STAG3: variants seen among roughly 807,000 people sequenced by gnomAD.
The protein encoded by STAG3 is STAG3 cohesin complex component.
A neutral mutation model predicts 160.7 loss-of-function variants in STAG3; 101 were observed. That is an observed-to-expected ratio of 0.63 (90% confidence interval 0.54 to 0.74). The LOEUF is 0.74. Ranked by LOEUF, STAG3 falls within the 30% of genes least tolerant of loss-of-function variation. STAG3 has a pLI of 0.00. For missense variants in STAG3, 1,188 were observed against 1,517.4 expected, an observed-to-expected ratio of 0.78 and a Z score of 3.61; for synonymous variants, 519 against 585.0, an observed-to-expected ratio of 0.89 and a Z score of 1.63.
chr7:100,186,660 G>C (rs1296801096), intron 5 of STAG3, among the ~76,000 whole-genome samples: 1 of 152,056 alleles, frequency 6.6e-6, no homozygotes, highest in Non-Finnish European at 1.5e-5. Flanking sequence ...CTCCAGCCTG[G>C]GCGACAGAGC....
At chr7:100,209,060 G>T (rs1205817433) in intron 29 of STAG3, among the ~76,000 whole-genome samples, 1 of 152,094 alleles carries the variant, frequency 6.6e-6, no homozygotes, top group Non-Finnish European at 1.5e-5. Flanking sequence ...GTGTCTCTGG[G>T]AGCAAGACAA....
At chr7:100,203,809 C>T (rs1352684112) in intron 25 of STAG3, among the ~76,000 whole-genome samples, 1 of 152,126 alleles carries the variant, frequency 6.6e-6, no homozygotes, top group Non-Finnish European at 1.5e-5. Flanking sequence ...CCACTGCACC[C>T]GGCCTTATTA....
In STAG3 at chr7:100,198,618, C is replaced by T. The variant is rs186039173; in HGVS notation, c.1352+36C>T. ...CTCCTTTTATGTTTCTTTAACACCA[C>T]GCTCTCGGTTTCTCTCCTCCATCTG... On this transcript the variant is annotated intron_variant, in intron 13 of 33. Transcript: ENST00000615138. 172 of 1,583,184 alleles carry T rather than the reference C, an allele frequency of 1.1e-4. No individual in the cohort carries two copies. The East Asian group carries it at 3.0e-3, about 28-fold the overall frequency.
At chr7:100,218,008 C>T (rs1802916657), downstream of STAG3, among the ~76,000 whole-genome samples, 1 of 149,772 alleles carries the variant, frequency 6.7e-6, no homozygotes, top group Non-Finnish European at 1.5e-5. Flanking sequence ...CTCTAACTCC[C>T]CCAGGGAAAG....
chr7:100,183,732 C>G (rs1433711791), intron 4 of STAG3, among the ~76,000 whole-genome samples: 1 of 152,192 alleles, frequency 6.6e-6, no homozygotes, highest in African/African-American at 2.4e-5. Context: ...TTTCTCATCT[C>G]TCATTATAGT....
intron 29 of STAG3, among the ~76,000 whole-genome samples, chr7:100,210,687 T>C (rs1052314369): frequency 1.3e-5 from 2 of 152,164 alleles, no homozygotes; most frequent in Non-Finnish European, 2.9e-5. Flanking sequence ...CCCTCCCTCA[T>C]GTTTGTGTTC....
chr7:100,183,481 T>C (rs1728166274), intron 4 of STAG3, among the ~76,000 whole-genome samples: 1 of 152,240 alleles, frequency 6.6e-6, no homozygotes. Context: ...CAATTATACT[T>C]AATTATTTTT....
At position 100,213,440 on chromosome 7, in the gene STAG3, CAGAGACTAG is replaced by C. The variant is rs944534137; in HGVS notation, c.3601-290_3601-282del. ...AAACCAAACAATGATACCTTCAAAC[CAGAGACTAG>C]AGAGCAAGGCCTCTGTTAAAATATT... On this transcript the variant is annotated intron_variant, in intron 32 of 33. Transcript: ENST00000615138. The C allele has an allele frequency of 5.1e-5, 50 of 985,314 alleles. No homozygotes were observed. The African/African-American group carries it at 8.6e-4, about 17-fold the overall frequency. 61.0% of individuals were successfully genotyped at this position (985,314 alleles called of 1,614,324 possible). A position where few individuals can be genotyped will look rare whatever the true frequency, so the allele number is the denominator to read the frequency against.
downstream of STAG3, chr7:100,215,163 C>T (rs1401201222): frequency 2.6e-5 from 4 of 152,206 alleles, no homozygotes; most frequent in African/African-American, 9.7e-5. Context: ...GCTTCAGCCT[C>T]TCTCTTTAGA....
intron 29 of STAG3, 91 bp from the exon 30 acceptor site, chr7:100,210,919 CT>C (rs1802132243): frequency 2.2e-6 from 3 of 1,375,490 alleles, no homozygotes; most frequent in Non-Finnish European, 3.0e-6. Context: ...TCCTGATTGA[CT>C]TTCCCTTACT....
intron 1 of STAG3, 38 bp from the exon 2 acceptor site, chr7:100,180,455 T>C (rs1799571453): frequency 6.8e-6 from 5 of 731,962 alleles, no homozygotes; most frequent in African/African-American, 1.7e-5. Flanking sequence ...GATGGAGAAG[T>C]GCTGTGGTAG....
At chr7:100,185,203 C>T (rs950785798) in intron 4 of STAG3, among the ~76,000 whole-genome samples, 1 of 152,204 alleles carries the variant, frequency 6.6e-6, no homozygotes, top group African/African-American at 2.4e-5. Flanking sequence ...TGCCACCATG[C>T]CTGACTAATT....
At chr7:100,189,139 T>G in intron 7 of STAG3, 123 bp downstream of exon 7, 5 of 1,105,764 alleles carry the variant, frequency 4.5e-6, no homozygotes, top group African/African-American at 1.6e-5. Flanking sequence ...CATGCCTCTT[T>G]TATCCTAAAC....
chr7:100,186,185 AT>A lies in STAG3; in HGVS notation c.337-7del, dbSNP rs376171463. 9 of 1,604,972 alleles carry A rather than the reference AT, an allele frequency of 5.6e-6. No individual in the cohort carries two copies. Among genetic ancestry groups the A allele is most frequent in the Admixed American group, 5.0e-5 (3 of 59,906 alleles). ...ATTGCCAGAAACAGAAGTCATCTAC[AT>A]TTTTTTTCCCTAGTCTTTGGTAGAT... On this transcript the variant is annotated splice_polypyrimidine_tract_variant and intron_variant, in intron 4 of 33. Coordinates refer to ENST00000615138, the MANE Select transcript of STAG3 (RefSeq NM_001282717.2).
At chr7:100,178,258 C>T (rs1303225573) in intron 1 of STAG3, among the ~76,000 whole-genome samples, 1 of 152,122 alleles carries the variant, frequency 6.6e-6, no homozygotes, top group Non-Finnish European at 1.5e-5. Flanking sequence ...CAGGGGCAGT[C>T]GTAGATATTT....
chr7:100,205,928 C>T (rs966331371), intron 29 of STAG3, among the ~76,000 whole-genome samples: 32 of 152,140 alleles, frequency 2.1e-4, no homozygotes, highest in Admixed American at 1.7e-3. Flanking sequence ...CCATTATTTT[C>T]GAAACCTTGG....
chr7:100,203,443 A>C (rs1024014521), intron 25 of STAG3, among the ~76,000 whole-genome samples: 2 of 151,828 alleles, frequency 1.3e-5, no homozygotes, highest in African/African-American at 4.8e-5. Flanking sequence ...GGCCTCCCAA[A>C]CTGCTGGGAT....
downstream of STAG3, among the ~76,000 whole-genome samples, chr7:100,217,150 G>A (rs1425475349): frequency 2.6e-5 from 4 of 152,252 alleles, no homozygotes; most frequent in Non-Finnish European, 5.9e-5. Flanking sequence ...AGGCCAAGAA[G>A]CGATACTGTC....
intron 26 of STAG3, 76 bp from the exon 27 acceptor site, chr7:100,204,551 G>T: frequency 1.3e-6 from 2 of 1,548,944 alleles, no homozygotes; most frequent in South Asian, 1.2e-5. Context: ...TTTCTGAGTA[G>T]AGAAGAGAAT....
Sources: gnomAD v4.1 joint callset for allele counts (sites outside exome capture counted in the v4.1 genomes callset) on GRCh38, gnomAD v4.1.1 for gene constraint, MANE v1.5 for transcripts, NCBI Gene and HGNC (gene_info 2026-07-23, HGNC 2026-07-21) for gene names.